CMYA5: variants seen among roughly 807,000 people sequenced by gnomAD.
CMYA5 encodes cardiomyopathy-associated protein 5.
CMYA5 carries 246 observed loss-of-function variants against 318.9 expected under a neutral mutation model. The observed-to-expected ratio is 0.77, with a 90% CI of 0.70 to 0.86. The LOEUF (loss-of-function observed/expected upper bound fraction) is 0.86. Ranked by LOEUF, CMYA5 falls within the 40% of genes least tolerant of loss-of-function variation. The probability of loss-of-function intolerance (pLI) is 0.00; values close to 1 mark genes in which losing one functional copy is unlikely to be tolerated. For missense variants in CMYA5, 4,589 were observed against 4,678.2 expected, an observed-to-expected ratio of 0.98 and a Z score of 0.56; for synonymous variants, 1,641 against 1,729.5, an observed-to-expected ratio of 0.95 and a Z score of 1.27.
Position 79,734,655 on chromosome 5 carries a change from G to C in CMYA5, c.5890G>C (p.Ala1964Pro). Residue 1964 changes from alanine (A) to proline (P), a missense_variant, in exon 2 of 13, where the codon GCT (alanine) becomes CCT (proline). Ala to Pro is a conservative substitution (Grantham distance 27). Transcript: ENST00000446378. ...TTTGTCATCACAAGAAGCAGTATCT[G>C]CTCTTGATACTTCCAGTGGTAATAC... Reference protein sequence around the residue: ...SHLSSQEAVSALDTSSGNTET... With the variant: ...SHLSSQEAVSPLDTSSGNTET... 6.2e-7 allele frequency: 1 copy of C among 1,613,366 alleles called. No individual in the cohort carries two copies. The highest frequency in any genetic ancestry group is 8.5e-7 in the Non-Finnish European group (1 of 1,179,364).
intron 1 of CMYA5, among the ~76,000 whole-genome samples, chr5:79,718,233 A>T (rs563437120): frequency 2.0e-5 from 3 of 152,202 alleles, no homozygotes; most frequent in East Asian, 1.9e-4. Context: ...AGCAATGCAT[A>T]TTTTTTTCAG....
At chr5:79,692,856 C>T (rs1033027302) in intron 1 of CMYA5, among the ~76,000 whole-genome samples, 1 of 152,196 alleles carries the variant, frequency 6.6e-6, no homozygotes, top group Non-Finnish European at 1.5e-5. Context: ...TCCTATTTCA[C>T]TTTGTATTCA....
At chr5:79,692,736 A>G (rs866508831) in intron 1 of CMYA5, among the ~76,000 whole-genome samples, 8 of 152,152 alleles carry the variant, frequency 5.3e-5, no homozygotes, top group Non-Finnish European at 8.8e-5. Flanking sequence ...ATTAAGCTTT[A>G]GTTTCTTTTA....
intron 1 of CMYA5, among the ~76,000 whole-genome samples, chr5:79,704,406 C>G (rs1471816101): frequency 6.6e-6 from 1 of 151,986 alleles, no homozygotes; most frequent in Non-Finnish European, 1.5e-5. Context: ...ATCCTGTGAG[C>G]AGACCCTGTG....
chr5:79,793,789 G>A (rs1829224842), intron 12 of CMYA5, among the ~76,000 whole-genome samples, 179 bp downstream of exon 12: 1 of 152,184 alleles, frequency 6.6e-6, no homozygotes, highest in Non-Finnish European at 1.5e-5. Flanking sequence ...TACTGAGGAA[G>A]CTGATTTTAG....
chr5:79,793,014 G>A (rs1829205890), intron 11 of CMYA5, among the ~76,000 whole-genome samples: 1 of 152,210 alleles, frequency 6.6e-6, no homozygotes, highest in Non-Finnish European at 1.5e-5. Flanking sequence ...CATGGTTAAA[G>A]TTTTGGAGAT....
At chr5:79,720,528 C>A (rs1307103940) in intron 1 of CMYA5, among the ~76,000 whole-genome samples, 3 of 150,510 alleles carry the variant, frequency 2.0e-5, no homozygotes, top group Non-Finnish European at 4.4e-5. Context: ...CCTCCCCCTC[C>A]CAGGTTCAGG....
chr5:79,763,067 T>G lies in CMYA5; in HGVS notation c.11413T>G (p.Ser3805Ala). The change falls in exon 9 of 13, where the codon TCC becomes GCC. Residue 3805 changes from serine to alanine, a missense_variant. Ser to Ala is a moderately conservative substitution (Grantham distance 99). This residue lies in a region of CMYA5 where 2,431 missense variants were observed against 2,495.1 expected (regional missense o/e 0.97). Transcript: ENST00000446378. ...TCCTGACTCTCTTTCTGCAGCACCCTCCACCCCTGTGATCCGCGCTGAGGA... is the reference window on the plus strand; with the variant it reads ...TCCTGACTCTCTTTCTGCAGCACCCGCCACCCCTGTGATCCGCGCTGAGGA... ...SERAIFRTAP[S>A]TPVIRAEDCT... 1 of 1,613,184 alleles carries G rather than the reference T, an allele frequency of 6.2e-7. No individual in the cohort carries two copies. Among genetic ancestry groups the G allele is most frequent in the Non-Finnish European group, 8.5e-7 (1 of 1,179,438 alleles).
rs1209548941 is a variant in CMYA5, at chr5:79,718,139, G to A, written c.150-10776G>A. ...CCTGACCTCGTGATCCGCCCGCCTC[G>A]GCCTCCCAAAGTGCTGGGATTACAG... On this transcript the variant is annotated intron_variant, in intron 1 of 12. Transcript: ENST00000446378. Among the ~76,000 whole-genome samples, 8 of 146,772 alleles carry A rather than the reference G, an allele frequency of 5.5e-5. 3 individuals are homozygous for A. Among genetic ancestry groups the A allele is most frequent in the African/African-American group, 1.5e-4 (6 of 38,914 alleles).
intron 1 of CMYA5, among the ~76,000 whole-genome samples, chr5:79,719,649 C>T (rs1390505297): frequency 6.6e-6 from 1 of 152,148 alleles, no homozygotes; most frequent in African/African-American, 2.4e-5. Flanking sequence ...TGCAAAGGGA[C>T]ATGAACACAC....
In CMYA5 at chr5:79,737,294, A is replaced by G. The variant is rs1460604478; in HGVS notation, c.8529A>G (p.Pro2843=). The change falls in exon 2 of 13, where the codon CCA becomes CCG. Residue 2843 remains proline, a synonymous_variant. Coordinates refer to ENST00000446378, the MANE Select transcript of CMYA5 (RefSeq NM_153610.5). The stretch of plus-strand genomic sequence containing the variant: ...AAATGCCACGATCAGAATTGACTCC[A>G]GAAAGGCATACAGTTCATACTATTC... The part of the protein sequence containing the change: ...KKEMPRSELT[P]ERHTVHTIQT... 19 of 1,613,752 alleles carry G rather than the reference A, an allele frequency of 1.2e-5. No homozygotes were observed. In the East Asian group the frequency reaches 4.0e-4, roughly 34 times the overall value.
chr5:79,732,459 A>C lies in CMYA5; in HGVS notation c.3694A>C (p.Asn1232His), dbSNP rs1252665955. ...TCAAAAAATGGAGCCTCAGCCTCCA[A>C]ATGTTCCAGAGTCTGAGATGAAATA... ...QDQKMEPQPP[N>H]VPESEMKYSV... Residue 1232 changes from asparagine (N) to histidine (H), a missense_variant, in exon 2 of 13, where the codon AAT becomes CAT. Transcript: ENST00000446378. 1 of 1,613,310 alleles carries C rather than the reference A, an allele frequency of 6.2e-7. No homozygotes were observed.
At chr5:79,754,094 G>T (rs1023966809) in intron 6 of CMYA5, among the ~76,000 whole-genome samples, 5 of 152,196 alleles carry the variant, frequency 3.3e-5, no homozygotes, top group Non-Finnish European at 7.4e-5. Flanking sequence ...GGTCCCTGTG[G>T]CTGGAAGCCT....
intron 1 of CMYA5, among the ~76,000 whole-genome samples, chr5:79,706,090 C>T (rs543796991): frequency 1.9e-4 from 29 of 152,212 alleles, no homozygotes; most frequent in East Asian, 9.7e-4. Flanking sequence ...AATAGACACA[C>T]GCAAGATAAT....
intron 3 of CMYA5, 124 bp from the exon 4 acceptor site, chr5:79,745,098 T>C (rs555810649): frequency 2.5e-4 from 161 of 642,034 alleles, no homozygotes; most frequent in Non-Finnish European, 4.2e-4. Flanking sequence ...GTGCATGTGA[T>C]GTCTGATTCT....
At position 79,752,678 on chromosome 5, in the gene CMYA5, T is replaced by C. The variant is rs1350862044; in HGVS notation, c.10994T>C (p.Leu3665Ser). 6.2e-7 allele frequency: 1 copy of C among 1,608,654 alleles called. No individual in the cohort carries two copies. The highest frequency in any genetic ancestry group is 2.2e-5 in the East Asian group (1 of 44,826). ...TGTAGAGCTCTATTCCCCGATAGGT[T>C]GCTTTCTGCAATGGAGAGCACTGCT... ...LTSFEEINERLLSAMESTASL... is the reference protein window; with the variant it reads ...LTSFEEINERSLSAMESTASL... The change falls in exon 6 of 13, where the codon TTG becomes TCG. Residue 3665 changes from leucine (L) to serine (S), a missense_variant and splice_region_variant. Transcript: ENST00000446378.
In CMYA5 at chr5:79,737,377, A is replaced by G; in HGVS notation, c.8612A>G (p.His2871Arg). ...VPKQSVLVSK[H>R]HLEAAEDTRV... ...AAACAATCTGTTCTTGTTTCAAAGC[A>G]CCACTTGGAGGCTGCGGAAGATACC... is the stretch of plus-strand genomic sequence containing the variant. Residue 2871 changes from histidine to arginine, a missense_variant, in exon 2 of 13, where the codon CAC (histidine) becomes CGC (arginine). Physicochemically the swap from His to Arg is conservative, Grantham distance 29 (BLOSUM62 0). Around this residue, in one of 3 missense-constraint regions of CMYA5, gnomAD observed 2,431 missense variants for 2,495.1 expected, o/e 0.97. Coordinates refer to ENST00000446378, the MANE Select transcript of CMYA5 (RefSeq NM_153610.5). 6.2e-7 allele frequency: 1 copy of G among 1,613,856 alleles called. No individual in the cohort carries two copies. Among genetic ancestry groups the G allele is most frequent in the Non-Finnish European group, 8.5e-7 (1 of 1,179,818 alleles).
intron 4 of CMYA5, among the ~76,000 whole-genome samples, chr5:79,745,710 G>A (rs978289935): frequency 4.6e-5 from 7 of 152,220 alleles, no homozygotes; most frequent in East Asian, 3.9e-4. Flanking sequence ...CATCCATTGC[G>A]TCCCACTGGA....
At chr5:79,700,970 C>T (rs1827163217) in intron 1 of CMYA5, among the ~76,000 whole-genome samples, 1 of 151,430 alleles carries the variant, frequency 6.6e-6, no homozygotes, top group African/African-American at 2.4e-5. Context: ...TAGGGCTGGG[C>T]GCAGTGGCTC....
Sources: gnomAD v4.1 joint callset for allele counts (sites outside exome capture counted in the v4.1 genomes callset) on GRCh38, gnomAD v4.1.1 for gene constraint, gnomAD v4.1.1 regional missense constraint, MANE v1.5 for transcripts, NCBI Gene and HGNC (gene_info 2026-07-23, HGNC 2026-07-21) for gene names.